Variants in CEP192 observed in about 807,000 individuals in gnomAD.
CEP192 encodes centrosomal protein 192.
Under a neutral mutation model 271.8 loss-of-function variants are expected in CEP192, and 151 were observed. The ratio of observed to expected loss-of-function variants is 0.56; its 90% CI spans 0.49 to 0.64. CEP192 has a LOEUF of 0.64. Ranked by LOEUF, CEP192 falls within the 30% of genes least tolerant of loss-of-function variation. The pLI is 0.00. For synonymous variants in CEP192, 995 were observed against 1,076.5 expected, an observed-to-expected ratio of 0.92 and a Z score of 1.48; for missense variants, 2,910 against 3,020.5, an observed-to-expected ratio of 0.96 and a Z score of 0.86.
chr18:13,017,206 A>C lies in CEP192; in HGVS notation c.659A>C (p.Glu220Ala). ...EDSSDDDIDD[E>A]MFYDDHLEAY... ...TCAATAGATGATGATATTGATGATG[A>C]AATGTTTTATGATGATCATTTGGAG... Residue 220 changes from glutamate to alanine, a missense_variant, in exon 7 of 45, where the codon GAA becomes GCA. Coordinates refer to ENST00000506447, the MANE Select transcript of CEP192 (RefSeq NM_032142.4). 1 of 1,545,854 alleles carries C rather than the reference A, an allele frequency of 6.5e-7. No individual in the cohort carries two copies. Among genetic ancestry groups the C allele is most frequent in the Non-Finnish European group, 8.7e-7 (1 of 1,145,310 alleles).
At chr18:13,007,828 C>T (rs7233578) in intron 3 of CEP192, among the ~76,000 whole-genome samples, 17,130 of 152,212 alleles carry the variant, frequency 0.11, 1,132 homozygotes, top group East Asian at 0.31. Flanking sequence ...TTGAGTCTGG[C>T]TCTAGGTATC....
intron 21 of CEP192, among the ~76,000 whole-genome samples, chr18:13,060,901 G>GCAA (rs1349909054): frequency 6.7e-6 from 1 of 148,530 alleles, no homozygotes; most frequent in Non-Finnish European, 1.5e-5. Flanking sequence ...TCCAGCCTGG[G>GCAA]CAACAGAGCG....
In CEP192 at chr18:13,064,611, CAAAAAAAAA is replaced by C. The variant is rs552202874; in HGVS notation, c.4489-3209_4489-3201del. 1.4e-4 allele frequency among the ~76,000 whole-genome samples: 9 copies of C among 64,516 alleles called. No individual in the cohort carries two copies. The East Asian group carries it at 3.8e-3, about 27-fold the overall frequency. The allele number at this position is 64,516 out of a possible 152,430, so 42.3% of individuals were successfully genotyped here. On this transcript the variant is annotated intron_variant, in intron 21 of 44. Coordinates refer to ENST00000506447, the MANE Select transcript of CEP192 (RefSeq NM_032142.4). Reference sequence around the variant, plus strand: ...TGGGCGACAGAGTGAGACTCCATCTCAAAAAAAAAAAAAAAAAAAGAGTTGACTGTAGGT... The same window carrying C: ...TGGGCGACAGAGTGAGACTCCATCTCAAAAAAAAAAGAGTTGACTGTAGGT...
chr18:12,997,208 T>A (rs1471869472), intron 1 of CEP192, among the ~76,000 whole-genome samples: 4 of 151,938 alleles, frequency 2.6e-5, no homozygotes, highest in African/African-American at 9.7e-5. Flanking sequence ...CTTCATAAAC[T>A]GTTGTGGGAT....
At chr18:13,052,056 A>G (rs188145451) in intron 17 of CEP192, among the ~76,000 whole-genome samples, 1 of 152,292 alleles carries the variant, frequency 6.6e-6, no homozygotes, top group Non-Finnish European at 1.5e-5. Context: ...GCTCTTTTGC[A>G]CTGTGACTTT....
chr18:13,037,756 C>T (rs756608851), intron 12 of CEP192, among the ~76,000 whole-genome samples: 13 of 152,020 alleles, frequency 8.6e-5, no homozygotes, highest in African/African-American at 1.9e-4. Flanking sequence ...AGGCTTGTTA[C>T]GTTGCCTAGA....
intron 13 of CEP192, among the ~76,000 whole-genome samples, chr18:13,039,881 G>A (rs984935827): frequency 1.8e-4 from 28 of 152,144 alleles, no homozygotes; most frequent in Non-Finnish European, 7.3e-5. Flanking sequence ...TGAAGGCTGG[G>A]GACAAGGATG....
intron 27 of CEP192, 93 bp from the exon 28 acceptor site, chr18:13,070,946 C>G: frequency 1.0e-6 from 1 of 981,544 alleles, no homozygotes; most frequent in South Asian, 1.5e-5. Context: ...CCCCAGCACC[C>G]AGTTCAGTCT....
chr18:13,064,456 C>CA (rs1176736668), intron 21 of CEP192, among the ~76,000 whole-genome samples: 1 of 151,654 alleles, frequency 6.6e-6, no homozygotes, highest in African/African-American at 2.4e-5. Context: ...ACTAAAAATA[C>CA]AAAAAATTAG....
intron 35 of CEP192, 65 bp downstream of exon 35, chr18:13,095,746 GC>G: frequency 1.4e-6 from 2 of 1,398,396 alleles, no homozygotes; most frequent in Non-Finnish European, 9.9e-7. Context: ...CTCCCATTGT[GC>G]CCATGGCCTA....
intron 3 of CEP192, among the ~76,000 whole-genome samples, chr18:13,007,105 G>T (rs976021727): frequency 6.6e-6 from 1 of 152,022 alleles, no homozygotes; most frequent in African/African-American, 2.4e-5. Context: ...CTGCTTCCGG[G>T]CCCTTCTGTT....
intron 9 of CEP192, among the ~76,000 whole-genome samples, chr18:13,028,621 G>GT (rs1429744319): frequency 6.6e-6 from 1 of 151,964 alleles, no homozygotes; most frequent in African/African-American, 2.4e-5. Context: ...CCAGGTTCAA[G>GT]TGATTCTCTT....
rs750415131 is a variant in CEP192, at chr18:13,099,589, T to G, written c.6663+8T>G. ...TGTGACGATGGACAGAAGGTACTTT[T>G]AAAAGTGGTTTGGTTTTTTTTTTGA... On this transcript the variant is annotated splice_region_variant and intron_variant, in intron 37 of 44. Transcript: ENST00000506447. The G allele has an allele frequency of 8.2e-6, 12 of 1,467,428 alleles. No individual in the cohort carries two copies. Among genetic ancestry groups the G allele is most frequent in the Non-Finnish European group, 1.1e-5 (12 of 1,079,448 alleles). 90.9% of individuals were successfully genotyped at this position (1,467,428 alleles called of 1,614,324 possible). A position where few individuals can be genotyped will look rare whatever the true frequency, so the allele number is the denominator to read the frequency against.
At chr18:13,120,387 A>AT (rs1293189873) in intron 44 of CEP192, among the ~76,000 whole-genome samples, 1 of 152,202 alleles carries the variant, frequency 6.6e-6, no homozygotes, top group East Asian at 1.9e-4. Context: ...AAAAGTAGAC[A>AT]TTTTTGTGGA....
intron 1 of CEP192, among the ~76,000 whole-genome samples, chr18:12,992,644 G>T (rs939161587): frequency 6.6e-6 from 1 of 152,224 alleles, no homozygotes; most frequent in Non-Finnish European, 1.5e-5. Context: ...AATGTGTTAT[G>T]TCCATGAATG....
chr18:13,034,181 T>C (rs1239910633), intron 11 of CEP192, among the ~76,000 whole-genome samples: 1 of 152,112 alleles, frequency 6.6e-6, no homozygotes, highest in African/African-American at 2.4e-5. Flanking sequence ...TCCTTGTGCT[T>C]AGGGAATGAA....
At position 13,057,638 on chromosome 18, in the gene CEP192, A is replaced by T. The variant is rs370487377; in HGVS notation, c.4162A>T (p.Ile1388Phe). The T allele has an allele frequency of 2.4e-5, 38 of 1,614,014 alleles. No individual in the cohort carries two copies. Among genetic ancestry groups the T allele is most frequent in the Non-Finnish European group, 3.1e-5 (37 of 1,180,002 alleles). Residue 1388 changes from isoleucine (I) to phenylalanine (F), a missense_variant, in exon 20 of 45, where the codon ATC (isoleucine) becomes TTC (phenylalanine). Physicochemically the swap from Ile to Phe is conservative, Grantham distance 21 (BLOSUM62 0). Transcript: ENST00000506447. The stretch of plus-strand genomic sequence containing the variant: ...GCTTCCTCATGCTTGCTGTGTCGGG[A>T]TCGCTTCCCAGACCCTCCTCAGTGT... ...LKLPHACCVG[I>F]ASQTLLSVLN...
intron 17 of CEP192, 106 bp downstream of exon 17, chr18:13,049,997 A>G: frequency 4.4e-6 from 4 of 918,910 alleles, no homozygotes; most frequent in Non-Finnish European, 6.4e-6. Context: ...CGTCTCTCAA[A>G]GGTAACTCTT....
intron 11 of CEP192, among the ~76,000 whole-genome samples, chr18:13,035,432 A>T (rs1941015636): frequency 6.6e-6 from 1 of 152,138 alleles, no homozygotes; most frequent in African/African-American, 2.4e-5. Flanking sequence ...AAAAATGAGG[A>T]AGAAGCAAAA....
Sources: allele counts gnomAD v4.1 joint callset (sites outside exome capture counted in the v4.1 genomes callset), GRCh38; gene constraint gnomAD v4.1.1; transcripts MANE v1.5; gene names NCBI Gene and HGNC (gene_info 2026-07-23, HGNC 2026-07-21).